The following ECHDC1 variants were observed in gnomAD, a reference collection of about 807,000 sequenced individuals.
The protein encoded by ECHDC1 is ethylmalonyl-CoA decarboxylase 1.
ECHDC1 carries 29 observed loss-of-function variants against 29.7 expected under a neutral mutation model. That is an observed-to-expected ratio of 0.98 (90% confidence interval 0.73 to 1.33). The LOEUF (loss-of-function observed/expected upper bound fraction) is 1.33. Ranked by LOEUF, ECHDC1 falls within the 40% of genes most tolerant of loss-of-function variation. ECHDC1 has a pLI of 0.00. For synonymous variants in ECHDC1, 126 were observed against 123.1 expected (o/e 1.02, Z -0.15); for missense variants, 328 against 350.0 (o/e 0.94, Z 0.50).
In ECHDC1 at chr6:127,308,921, GA is replaced by G. The variant is rs1246929776; in HGVS notation, c.497+5894del. On this transcript the variant is annotated intron_variant, in intron 5 of 5. Transcript: ENST00000454859. ...CAAGGAAGTGAAACATGTCTATAAT[GA>G]AAACTATAAAACACCAATGAAAGAA... Among the ~76,000 whole-genome samples the G allele has an allele frequency of 2.0e-5, 3 of 152,012 alleles. No individual in the cohort carries two copies. The South Asian group carries it at 6.2e-4, about 32-fold the overall frequency.
intron 5 of ECHDC1, among the ~76,000 whole-genome samples, chr6:127,309,998 A>G (rs1290445512): frequency 6.6e-6 from 1 of 152,164 alleles, no homozygotes; most frequent in African/African-American, 2.4e-5. Flanking sequence ...ACAATTCAAC[A>G]TGAGATTTGG....
intron 5 of ECHDC1, among the ~76,000 whole-genome samples, chr6:127,304,462 T>C (rs2114585762): frequency 6.6e-6 from 1 of 152,226 alleles, no homozygotes; most frequent in Admixed American, 6.5e-5. Context: ...AAGATTATAA[T>C]AAATACCTAA....
intron 5 of ECHDC1, among the ~76,000 whole-genome samples, chr6:127,310,540 G>T (rs2114604937): frequency 6.6e-6 from 1 of 152,278 alleles, no homozygotes; most frequent in South Asian, 2.1e-4. Flanking sequence ...ACCTGAAGAT[G>T]TAACCAAATT....
chr6:127,291,794 T>C (rs932377952), intron 5 of ECHDC1, among the ~76,000 whole-genome samples: 2 of 152,128 alleles, frequency 1.3e-5, no homozygotes, highest in Admixed American at 6.5e-5. Flanking sequence ...TGCCAACTTA[T>C]TAACTCACTG....
intron 5 of ECHDC1, among the ~76,000 whole-genome samples, chr6:127,298,699 T>G (rs1450677668): frequency 1.3e-5 from 2 of 152,140 alleles, no homozygotes. Context: ...CCTGGTGACA[T>G]CATCGCCATT....
At chr6:127,293,280 A>G (rs183782657) in intron 5 of ECHDC1, among the ~76,000 whole-genome samples, 14 of 152,290 alleles carry the variant, frequency 9.2e-5, no homozygotes, top group Admixed American at 5.2e-4. Flanking sequence ...AAGTTGCAAA[A>G]AAACAGCCTT....
chr6:127,309,964 A>G (rs1490028647), intron 5 of ECHDC1, among the ~76,000 whole-genome samples: 2 of 151,984 alleles, frequency 1.3e-5, no homozygotes, highest in Non-Finnish European at 2.9e-5. Flanking sequence ...CTCCCACCAG[A>G]CCCTTCCTCC....
chr6:127,304,732 G>C (rs1288196883), intron 5 of ECHDC1, among the ~76,000 whole-genome samples: 2 of 152,124 alleles, frequency 1.3e-5, no homozygotes, highest in South Asian at 2.1e-4. Flanking sequence ...AGAAATTCTA[G>C]AGCTGAAAAA....
chr6:127,315,891 AG>A (rs1374981206), intron 4 of ECHDC1: 1 of 455,174 alleles, frequency 2.2e-6, no homozygotes, highest in Non-Finnish European at 4.5e-6. Flanking sequence ...GAAAGTAGAA[AG>A]CTAATCAACC....
rs1171749906 is a variant in ECHDC1, at chr6:127,305,795, A to G, written c.497+9021T>C. Among the ~76,000 whole-genome samples the G allele has an allele frequency of 3.9e-5, 6 of 152,158 alleles. No individual in the cohort carries two copies. In the South Asian group the frequency reaches 1.0e-3, roughly 26 times the overall value. ...AATAAGATGCAGTATTTGCAAGCCA[A>G]AAAACATAAAAGATACACAAAACAA... On this transcript the variant is annotated intron_variant, in intron 5 of 5. Coordinates refer to ENST00000454859, the MANE Select transcript of ECHDC1 (RefSeq NM_001002030.2).
intron 5 of ECHDC1, among the ~76,000 whole-genome samples, chr6:127,302,386 G>A (rs1781118657): frequency 6.6e-6 from 1 of 151,878 alleles, no homozygotes; most frequent in African/African-American, 2.4e-5. Context: ...ACACTTGCAT[G>A]TAGCTTAAGA....
chr6:127,323,728 C>G (rs1233386574), intron 3 of ECHDC1, among the ~76,000 whole-genome samples: 1 of 152,106 alleles, frequency 6.6e-6, no homozygotes, highest in Non-Finnish European at 1.5e-5. Context: ...ATACTACATA[C>G]AGTGGCATGA....
chr6:127,311,953 T>C (rs911345234), intron 5 of ECHDC1, among the ~76,000 whole-genome samples: 63 of 152,050 alleles, frequency 4.1e-4, no homozygotes, highest in African/African-American at 1.2e-3. Context: ...ATGGGAGTTA[T>C]ATGTATGATT....
chr6:127,324,093 T>C (rs1236055437), intron 3 of ECHDC1, among the ~76,000 whole-genome samples: 1 of 152,162 alleles, frequency 6.6e-6, no homozygotes, highest in Non-Finnish European at 1.5e-5. Context: ...CTTTTGTTCA[T>C]TGCTAATCTT....
At chr6:127,316,344 T>C (rs1422847260) in intron 4 of ECHDC1, 106 bp downstream of exon 4, 2 of 927,856 alleles carry the variant, frequency 2.2e-6, no homozygotes, top group African/African-American at 1.7e-5. Context: ...AGAATAGATG[T>C]AATTTGAAAA....
intron 5 of ECHDC1, among the ~76,000 whole-genome samples, chr6:127,304,073 T>C (rs1484556735): frequency 6.6e-6 from 1 of 152,162 alleles, no homozygotes; most frequent in Non-Finnish European, 1.5e-5. Flanking sequence ...GGGGTGGTTA[T>C]GGAAGGCCTT....
At chr6:127,328,067 C>T (rs1056189235) in intron 2 of ECHDC1, among the ~76,000 whole-genome samples, 1 of 152,222 alleles carries the variant, frequency 6.6e-6, no homozygotes, top group Non-Finnish European at 1.5e-5. Context: ...AAATTATGTA[C>T]ACTTCTTTGG....
rs1457759017 is a variant in ECHDC1, at chr6:127,337,543, T to C, written c.-3+5793A>G. Among the ~76,000 whole-genome samples the C allele has an allele frequency of 2.6e-5, 4 of 152,270 alleles. No individual in the cohort carries two copies. The South Asian group carries it at 6.2e-4, about 24-fold the overall frequency. Reference sequence around the variant, plus strand: ...GAACCAAACCAATGTATTTCTTAAATGTATTTGATTGATGTTTCATGCCTT... The same window carrying C: ...GAACCAAACCAATGTATTTCTTAAACGTATTTGATTGATGTTTCATGCCTT... On this transcript the variant is annotated intron_variant, in intron 1 of 5. Transcript: ENST00000454859.
chr6:127,330,494 A>G (rs1017781509), intron 2 of ECHDC1, among the ~76,000 whole-genome samples: 9 of 152,244 alleles, frequency 5.9e-5, no homozygotes, highest in Non-Finnish European at 1.3e-4. Context: ...TAGTAGCATT[A>G]GCTGAAAACA....
Sources: allele counts gnomAD v4.1 joint callset (sites outside exome capture counted in the v4.1 genomes callset), GRCh38; gene constraint gnomAD v4.1.1; transcripts MANE v1.5; gene names NCBI Gene and HGNC (gene_info 2026-07-23, HGNC 2026-07-21).